CAMK1D: variants seen among roughly 807,000 people sequenced by gnomAD.
CAMK1D encodes the protein calcium/calmodulin dependent protein kinase ID.
In CAMK1D, 9 loss-of-function variants were observed where a neutral mutation model predicts 47.7. That is an observed-to-expected ratio of 0.19 (90% CI 0.11 to 0.33). CAMK1D has a LOEUF of 0.33. CAMK1D is among the 10% of genes least tolerant of loss of function. CAMK1D has a pLI of 1.00. For missense variants in CAMK1D, 291 were observed against 488.7 expected (o/e 0.60, Z 3.81); for synonymous variants, 184 against 184.9 (o/e 0.99, Z 0.04).
chr10:12,365,863 G>T (rs1413168734), intron 1 of CAMK1D, among the ~76,000 whole-genome samples: 1 of 151,338 alleles, frequency 6.6e-6, no homozygotes. Flanking sequence ...GACCAGTCTG[G>T]CCAACATGGT....
At chr10:12,424,788 AACAGAGCGAG>A (rs1840169453) in intron 1 of CAMK1D, among the ~76,000 whole-genome samples, 1 of 152,130 alleles carries the variant, frequency 6.6e-6, no homozygotes, top group Non-Finnish European at 1.5e-5. Context: ...CAGCCTGGGC[AACAGAGCGAG>A]ACCCCATCTC....
At chr10:12,698,829 C>G (rs11257939) in intron 3 of CAMK1D, among the ~76,000 whole-genome samples, 4 of 151,794 alleles carry the variant, frequency 2.6e-5, no homozygotes, top group African/African-American at 7.3e-5. Context: ...CGTGCCACCA[C>G]GCCCAGCTAA....
chr10:12,812,129 T>G (rs1832631190), intron 6 of CAMK1D, among the ~76,000 whole-genome samples: 1 of 152,226 alleles, frequency 6.6e-6, no homozygotes, highest in Admixed American at 6.5e-5. Flanking sequence ...GAGGAACAGC[T>G]GAGGAATGGC....
intron 1 of CAMK1D, among the ~76,000 whole-genome samples, chr10:12,361,620 A>C (rs113082607): frequency 0.065 from 9,000 of 138,830 alleles, 774 homozygotes; most frequent in African/African-American, 0.2. Flanking sequence ...CAGTGGCGTA[A>C]TCTCTGCTCA....
At chr10:12,746,881 C>G (rs1292891013) in intron 3 of CAMK1D, among the ~76,000 whole-genome samples, 1 of 152,130 alleles carries the variant, frequency 6.6e-6, no homozygotes, top group Non-Finnish European at 1.5e-5. Context: ...CCTTCTGATA[C>G]TACAATAGAT....
chr10:12,595,736 G>T (rs910156102), intron 2 of CAMK1D, among the ~76,000 whole-genome samples: 5 of 152,102 alleles, frequency 3.3e-5, no homozygotes, highest in Admixed American at 1.3e-4. Flanking sequence ...GAGGAAGCGT[G>T]ACATTAGATA....
At chr10:12,484,989 A>G (rs1174528935) in intron 1 of CAMK1D, among the ~76,000 whole-genome samples, 2 of 152,174 alleles carry the variant, frequency 1.3e-5, no homozygotes, top group Non-Finnish European at 2.9e-5. Flanking sequence ...ACCGATTACC[A>G]TCTGGTGTGG....
chr10:12,717,502 T>C (rs1834193439), intron 3 of CAMK1D, among the ~76,000 whole-genome samples: 1 of 152,034 alleles, frequency 6.6e-6, no homozygotes, highest in Non-Finnish European at 1.5e-5. Flanking sequence ...CTTTTCTCCT[T>C]CCTGATGAGA....
intron 3 of CAMK1D, among the ~76,000 whole-genome samples, chr10:12,674,772 G>A (rs1182840150): frequency 3.3e-5 from 5 of 151,720 alleles, no homozygotes; most frequent in African/African-American, 7.3e-5. Context: ...GGTGGCTCAC[G>A]CCTGTAATCC....
chr10:12,722,465 A>AAG (rs1186297977), intron 3 of CAMK1D, among the ~76,000 whole-genome samples: 2 of 150,764 alleles, frequency 1.3e-5, no homozygotes, highest in Non-Finnish European at 3.0e-5. Flanking sequence ...AAAAAAAAAA[A>AAG]AAAAAAAAAA....
At chr10:12,577,890 A>G (rs901020260) in intron 2 of CAMK1D, among the ~76,000 whole-genome samples, 2 of 152,232 alleles carry the variant, frequency 1.3e-5, no homozygotes, top group African/African-American at 4.8e-5. Context: ...ATCTACGTAA[A>G]AAATCAAAGA....
chr10:12,393,149 A>G (rs1838805344), intron 1 of CAMK1D, among the ~76,000 whole-genome samples: 1 of 151,430 alleles, frequency 6.6e-6, no homozygotes, highest in African/African-American at 2.4e-5. Flanking sequence ...CTCCTGCCTC[A>G]GCCTCCCAAG....
chr10:12,660,722 G>T (rs542047951), intron 2 of CAMK1D, among the ~76,000 whole-genome samples: 1 of 152,328 alleles, frequency 6.6e-6, no homozygotes, highest in South Asian at 2.1e-4. Flanking sequence ...GTCAGCTCAT[G>T]CTTACTTTGG....
chr10:12,432,638 G>C (rs1342627460), intron 1 of CAMK1D, among the ~76,000 whole-genome samples: 1 of 152,236 alleles, frequency 6.6e-6, no homozygotes, highest in East Asian at 1.9e-4. Context: ...ATGTGTGAAT[G>C]AATGGGCAAA....
intron 1 of CAMK1D, among the ~76,000 whole-genome samples, chr10:12,361,134 G>C (rs1326550574): frequency 6.6e-6 from 1 of 152,114 alleles, no homozygotes; most frequent in Non-Finnish European, 1.5e-5. Context: ...TGTTAGCATG[G>C]TCAGTAAAAA....
chr10:12,498,350 C>T lies in CAMK1D; in HGVS notation c.93-54875C>T, dbSNP rs1034356108. On this transcript the variant is annotated intron_variant, in intron 1 of 10. Transcript: ENST00000619168. ...GCCAGATGGAAAGAGCTCATTTGTT[C>T]TGTGACTGAGATCTTAGAGTGAGCA... 2.6e-5 allele frequency among the ~76,000 whole-genome samples: 4 copies of T among 152,334 alleles called. No homozygotes were observed. The South Asian group carries it at 8.3e-4, about 32-fold the overall frequency.
chr10:12,403,122 G>A (rs1158282791), intron 1 of CAMK1D, among the ~76,000 whole-genome samples: 1 of 152,164 alleles, frequency 6.6e-6, no homozygotes, highest in Non-Finnish European at 1.5e-5. Context: ...AGCAGCAAAT[G>A]TGTGGAAGTA....
chr10:12,590,497 A>C (rs1837965331), intron 2 of CAMK1D, among the ~76,000 whole-genome samples: 1 of 152,108 alleles, frequency 6.6e-6, no homozygotes, highest in Non-Finnish European at 1.5e-5. Context: ...AAACATTGGC[A>C]TTACAGGTGT....
chr10:12,807,551 G>T (rs1838788711), intron 6 of CAMK1D, among the ~76,000 whole-genome samples: 1 of 152,140 alleles, frequency 6.6e-6, no homozygotes, highest in African/African-American at 2.4e-5. Flanking sequence ...TGCCTTCAAA[G>T]AACTGCCTGG....
Sources: gnomAD v4.1 joint callset for allele counts (sites outside exome capture counted in the v4.1 genomes callset) on GRCh38, gnomAD v4.1.1 for gene constraint, MANE v1.5 for transcripts, NCBI Gene and HGNC (gene_info 2026-07-23, HGNC 2026-07-21) for gene names.